Variants in FAM53A observed in about 807,000 individuals in gnomAD.
The protein encoded by FAM53A is family with sequence similarity 53 member A.
In FAM53A, 28 loss-of-function variants were observed where a neutral mutation model predicts 26.6. The observed-to-expected ratio is 1.05, with a 90% CI of 0.78 to 1.45. The LOEUF is 1.45. FAM53A is among the 40% of genes most tolerant of loss of function. FAM53A has a pLI of 0.00. For synonymous variants in FAM53A, 290 were observed against 253.1 expected, an observed-to-expected ratio of 1.15 and a Z score of -1.38; for missense variants, 650 against 575.8, an observed-to-expected ratio of 1.13 and a Z score of -1.32.
intron 2 of FAM53A, among the ~76,000 whole-genome samples, chr4:1,662,952 TGG>T (rs1213321692): frequency 6.6e-6 from 1 of 152,080 alleles, no homozygotes; most frequent in African/African-American, 2.4e-5. Context: ...CCCACCACTC[TGG>T]GGGGCCGAGG....
At chr4:1,644,351 T>A in intron 4 of FAM53A, 1 of 1,535,566 alleles carries the variant, frequency 6.5e-7, no homozygotes, top group Non-Finnish European at 8.7e-7. Context: ...GGCTAGAGCG[T>A]GAAAACAGCA....
downstream of FAM53A, among the ~76,000 whole-genome samples, chr4:1,635,236 T>C (rs1322776677): frequency 6.6e-6 from 1 of 152,196 alleles, no homozygotes; most frequent in Non-Finnish European, 1.5e-5. Flanking sequence ...GTGGGTCTTC[T>C]CCGCTGTGGC....
intron 1 of FAM53A, among the ~76,000 whole-genome samples, chr4:1,629,460 G>T (rs576703122): frequency 1.7e-4 from 26 of 152,334 alleles, no homozygotes; most frequent in African/African-American, 6.0e-4. Context: ...TGCCCTGGAG[G>T]CCTGGCCAGG....
At chr4:1,665,398 A>G (rs1714150075) in intron 2 of FAM53A, among the ~76,000 whole-genome samples, 1 of 151,790 alleles carries the variant, frequency 6.6e-6, no homozygotes, top group African/African-American at 2.4e-5. Context: ...CTGAGGCGAG[A>G]GAATCGCTTG....
rs908165299 is a variant in FAM53A at position 1,633,652 on chromosome 4, C to CAATA, written c.432-15545_432-15542dup. On this transcript the variant is annotated intron_variant, in intron 1 of 1. Coordinates refer to the FAM53A transcript ENST00000489029. ...AGTAAATCCAAGAGCCGGTTCTTCC[C>CAATA]AATAAATAAATAAATAAAATAAGCA... Among the ~76,000 whole-genome samples, 83 of 151,914 alleles carry CAATA rather than the reference C, an allele frequency of 5.5e-4. 1 individual carries two copies. The highest frequency in any genetic ancestry group is 1.9e-3 in the African/African-American group (77 of 41,438).
In FAM53A at chr4:1,655,672, G is replaced by A; in HGVS notation, c.188C>T (p.Ala63Val). 2 of 1,595,630 alleles carry A rather than the reference G, an allele frequency of 1.3e-6. No homozygotes were observed. Among genetic ancestry groups the A allele is most frequent in the Non-Finnish European group, 8.5e-7 (1 of 1,173,726 alleles). ...FSGGPPVRSQ[A>V]ATGPDFSFLP... ...GAAGGAGAAATCAGGGCCCGTGGCT[G>A]CCTGGCTTCTGACGGGCGGTCCTCC... Residue 63 changes from alanine to valine, a missense_variant, in exon 4 of 5, where the codon GCA (alanine) becomes GTA (valine). Physicochemically the swap from Ala to Val is moderately conservative, Grantham distance 64. Transcript: ENST00000308132.
chr4:1,626,418 C>A (rs1715306206), intron 1 of FAM53A, among the ~76,000 whole-genome samples: 1 of 152,238 alleles, frequency 6.6e-6, no homozygotes, highest in African/African-American at 2.4e-5. Context: ...CAGGAAGAAC[C>A]CCGATCACCA....
chr4:1,607,940 CA>C, the FAM53A span, among the ~76,000 whole-genome samples: 60,217 of 121,558 alleles, frequency 0.5, 12,703 homozygotes, highest in South Asian at 0.61. Flanking sequence ...GACTCCGTCT[CA>C]AAAAAAAAAA....
At chr4:1,647,592 G>C (rs1311642159) in intron 4 of FAM53A, among the ~76,000 whole-genome samples, 2 of 152,218 alleles carry the variant, frequency 1.3e-5, no homozygotes, top group Non-Finnish European at 2.9e-5. Context: ...TGCGCACGCA[G>C]ACTGCACAAC....
downstream of FAM53A, among the ~76,000 whole-genome samples, chr4:1,616,502 T>A (rs766343523): frequency 6.6e-6 from 1 of 152,166 alleles, no homozygotes; most frequent in Non-Finnish European, 1.5e-5. Context: ...AGCCTGGGTG[T>A]CACAGCGAGA....
intron 1 of FAM53A, among the ~76,000 whole-genome samples, chr4:1,682,191 T>C (rs778152914): frequency 7.9e-5 from 12 of 152,190 alleles, no homozygotes; most frequent in Non-Finnish European, 1.6e-4. Context: ...GCTTAACAGA[T>C]TGTGAAATTC....
intron 3 of FAM53A, 36 bp from the exon 4 acceptor site, chr4:1,655,759 C>T (rs375984582): frequency 3.1e-4 from 462 of 1,503,078 alleles, no homozygotes; most frequent in Non-Finnish European, 3.9e-4. Context: ...GGGGAAGAGA[C>T]AGGTGAGCCA....
intron 1 of FAM53A, among the ~76,000 whole-genome samples, chr4:1,681,553 T>TC (rs1292714155): frequency 6.8e-6 from 1 of 147,216 alleles, no homozygotes; most frequent in African/African-American, 2.5e-5. Flanking sequence ...ATGAAGCCTC[T>TC]CTCTGTTGCC....
At chr4:1,607,712 G>A in the FAM53A span, among the ~76,000 whole-genome samples, 1 of 152,122 alleles carries the variant, frequency 6.6e-6, no homozygotes, top group Non-Finnish European at 1.5e-5. Flanking sequence ...AGGCCGAGGT[G>A]GGCGGATCAC....
downstream of FAM53A, among the ~76,000 whole-genome samples, chr4:1,614,891 T>A (rs911500398): frequency 6.6e-6 from 1 of 151,868 alleles, no homozygotes; most frequent in Non-Finnish European, 1.5e-5. Flanking sequence ...CCCATGGCCG[T>A]CCTATGCTGA....
chr4:1,651,737 C>T (rs557873124), intron 4 of FAM53A, among the ~76,000 whole-genome samples: 1 of 149,524 alleles, frequency 6.7e-6, no homozygotes, highest in African/African-American at 2.4e-5. Context: ...CAGCAAGGGA[C>T]CCAAAGCTGG....
rs139620002 is a variant in FAM53A at position 1,656,274 on chromosome 4, C to A, written c.137-551G>T. ...GCCTGGAGCCCCTTCCCAAGTCTCACTTCCTGCACAACTGTCCTGGGGTTG... is the reference window on the plus strand; with the variant it reads ...GCCTGGAGCCCCTTCCCAAGTCTCAATTCCTGCACAACTGTCCTGGGGTTG... On this transcript the variant is annotated intron_variant, in intron 3 of 4. Coordinates refer to ENST00000308132, the MANE Select transcript of FAM53A (RefSeq NM_001174070.3). Among the ~76,000 whole-genome samples the A allele has an allele frequency of 1.8e-3, 274 of 152,344 alleles. 1 individual carries two copies. Among genetic ancestry groups the A allele is most frequent in the African/African-American group, 6.4e-3 (265 of 41,568 alleles).
intron 4 of FAM53A, among the ~76,000 whole-genome samples, chr4:1,643,152 A>G (rs1711891671): frequency 6.6e-6 from 1 of 152,112 alleles, no homozygotes; most frequent in African/African-American, 2.4e-5. Flanking sequence ...CCTTTTTTCT[A>G]AGGATATTAT....
At chr4:1,662,928 C>A (rs1475113905) in intron 2 of FAM53A, among the ~76,000 whole-genome samples, 4 of 152,150 alleles carry the variant, frequency 2.6e-5, no homozygotes, top group African/African-American at 9.7e-5. Context: ...GGCACAGTGG[C>A]TCATGCCTGT....
Sources: gnomAD v4.1 joint callset for allele counts (sites outside exome capture counted in the v4.1 genomes callset) on GRCh38, gnomAD v4.1.1 for gene constraint, MANE v1.5 for transcripts, NCBI Gene and HGNC (gene_info 2026-07-23, HGNC 2026-07-21) for gene names.